Variants in CCNY observed in about 807,000 individuals in gnomAD.
The protein encoded by CCNY is cyclin-Y.
A neutral mutation model predicts 42.8 loss-of-function variants in CCNY; 19 were observed. That is an observed-to-expected ratio of 0.44 (90% CI 0.31 to 0.65). The LOEUF is 0.65. CCNY is among the 30% of genes least tolerant of loss of function. The pLI is 0.07. For missense variants in CCNY, 370 were observed against 437.3 expected (o/e 0.85, Z 1.37); for synonymous variants, 165 against 162.7 (o/e 1.01, Z -0.11).
intron 1 of CCNY, among the ~76,000 whole-genome samples, chr10:35,355,678 CAAAAAAAAAAAA>C (rs60257114): frequency 4.5e-4 from 26 of 57,422 alleles, no homozygotes; most frequent in African/African-American, 1.3e-3. Context: ...ATACTGTCTC[CAAAAAAAAAAAA>C]AAAAAAAAAA....
intron 1 of CCNY, among the ~76,000 whole-genome samples, chr10:35,458,717 T>A (rs1326360611): frequency 6.6e-6 from 1 of 152,196 alleles, no homozygotes; most frequent in African/African-American, 2.4e-5. Flanking sequence ...CATGTGAGGG[T>A]GTGAGCCAAG....
chr10:35,345,020 G>A (rs576631170), intron 1 of CCNY, among the ~76,000 whole-genome samples: 3 of 152,262 alleles, frequency 2.0e-5, no homozygotes, highest in African/African-American at 7.2e-5. Flanking sequence ...ATTGTGAATA[G>A]TGCCGCAATA....
chr10:35,315,721 T>A (rs769204549), intron 3 of CCNY, among the ~76,000 whole-genome samples: 13 of 152,240 alleles, frequency 8.5e-5, no homozygotes, highest in Non-Finnish European at 1.5e-4. Context: ...TAGCAGTGTA[T>A]AAGCATTCCC....
upstream of CCNY, among the ~76,000 whole-genome samples, chr10:35,333,582 A>C (rs192656947): frequency 1.3e-3 from 196 of 152,302 alleles, no homozygotes; most frequent in African/African-American, 4.5e-3. Context: ...TGGAATTAGA[A>C]CCAGGTTCAA....
At chr10:35,348,848 A>G (rs919194342) in intron 1 of CCNY, among the ~76,000 whole-genome samples, 9 of 151,952 alleles carry the variant, frequency 5.9e-5, no homozygotes, top group African/African-American at 2.2e-4. Flanking sequence ...TCATGGAACT[A>G]ATATTCTGAG....
rs775450185 is a variant in CCNY at position 35,253,414 on chromosome 10, A to AATTTTTTTT, written c.-9+2788_-9+2789insATTTTTTTT. ...ACAGGCATGCACCAGCATGCTCACT[A>AATTTTTTTT]TTTTTTTTTTTTTTTTTTTTTTTTT... is the stretch of plus-strand genomic sequence containing the variant. On this transcript the variant is annotated intron_variant, in intron 3 of 11. Transcript: ENST00000374706. 2.2e-5 allele frequency among the ~76,000 whole-genome samples: 2 copies of AATTTTTTTT among 89,036 alleles called. 1 individual carries two copies. The highest frequency in any genetic ancestry group is 9.5e-5 in the African/African-American group (2 of 21,142). 58.4% of individuals were successfully genotyped at this position (89,036 alleles called of 152,430 possible). A position where few individuals can be genotyped will look rare whatever the true frequency, so the allele number is the denominator to read the frequency against.
At chr10:35,271,976 C>T (rs1233659601) in intron 3 of CCNY, among the ~76,000 whole-genome samples, 1 of 152,132 alleles carries the variant, frequency 6.6e-6, no homozygotes, top group Admixed American at 6.6e-5. Flanking sequence ...AAATGTATGA[C>T]ACTGTCACAA....
intron 1 of CCNY, among the ~76,000 whole-genome samples, chr10:35,456,100 T>G (rs921047260): frequency 6.6e-6 from 1 of 152,146 alleles, no homozygotes; most frequent in Non-Finnish European, 1.5e-5. Context: ...ATGGCTCAGG[T>G]TTTGCAGGAG....
chr10:35,327,331 G>A (rs1258208566), intron 3 of CCNY, among the ~76,000 whole-genome samples: 1 of 152,042 alleles, frequency 6.6e-6, no homozygotes, highest in Non-Finnish European at 1.5e-5. Context: ...AAATACAGAT[G>A]TACATCCTTA....
At chr10:35,445,363 G>T (rs1404738714) in intron 1 of CCNY, among the ~76,000 whole-genome samples, 1 of 152,176 alleles carries the variant, frequency 6.6e-6, no homozygotes, top group Non-Finnish European at 1.5e-5. Context: ...GGGATCCTCA[G>T]AATCTTCTCA....
At chr10:35,453,957 ATTT>A (rs750893078) in intron 1 of CCNY, among the ~76,000 whole-genome samples, 32 of 152,248 alleles carry the variant, frequency 2.1e-4, no homozygotes, top group Non-Finnish European at 1.2e-4. Flanking sequence ...GTTTCATTCC[ATTT>A]TTTAAAAAAG....
At chr10:35,314,022 G>C (rs1169029792) in intron 3 of CCNY, among the ~76,000 whole-genome samples, 1 of 136,758 alleles carries the variant, frequency 7.3e-6, no homozygotes, top group African/African-American at 2.7e-5. Context: ...GTTATTTTTT[G>C]TGGGGCTGGA....
chr10:35,274,590 A>G (rs565258637), intron 3 of CCNY, among the ~76,000 whole-genome samples: 3 of 152,250 alleles, frequency 2.0e-5, no homozygotes, highest in Admixed American at 6.5e-5. Context: ...CGCAGGTCCA[A>G]TTAGCACTAG....
At chr10:35,314,919 C>CA (rs1444566049) in intron 3 of CCNY, 3 of 151,942 alleles carry the variant, frequency 2.0e-5, no homozygotes, top group African/African-American at 4.8e-5. Context: ...CCCGTCTCTA[C>CA]AAAAAATACA....
At chr10:35,490,997 G>A (rs1002784545) in intron 2 of CCNY, among the ~76,000 whole-genome samples, 1 of 152,260 alleles carries the variant, frequency 6.6e-6, no homozygotes, top group East Asian at 1.9e-4. Context: ...TAAAAGAATT[G>A]CAAAAACTAC....
At chr10:35,254,433 T>C (rs933229797) in intron 3 of CCNY, among the ~76,000 whole-genome samples, 2 of 152,200 alleles carry the variant, frequency 1.3e-5, no homozygotes, top group Non-Finnish European at 2.9e-5. Flanking sequence ...ACCGGTTGCT[T>C]TCCTGTGAGT....
At chr10:35,312,188 T>C (rs1835693495) in intron 3 of CCNY, among the ~76,000 whole-genome samples, 1 of 151,804 alleles carries the variant, frequency 6.6e-6, no homozygotes, top group Non-Finnish European at 1.5e-5. Flanking sequence ...CCGTCCTAGC[T>C]AACACGGTGA....
intron 9 of CCNY, among the ~76,000 whole-genome samples, chr10:35,567,084 C>A (rs1184578975): frequency 6.6e-6 from 1 of 152,214 alleles, no homozygotes; most frequent in Non-Finnish European, 1.5e-5. Context: ...CCCCAAAAAG[C>A]ATTTCCCGCA....
At chr10:35,523,336 G>T (rs1434398145) in intron 4 of CCNY, among the ~76,000 whole-genome samples, 1 of 152,204 alleles carries the variant, frequency 6.6e-6, no homozygotes, top group Non-Finnish European at 1.5e-5. Context: ...GCGCAGTGGG[G>T]CAGAGATGCG....
Sources: gnomAD v4.1 joint callset for allele counts (sites outside exome capture counted in the v4.1 genomes callset) on GRCh38, gnomAD v4.1.1 for gene constraint, MANE v1.5 for transcripts, NCBI Gene and HGNC (gene_info 2026-07-23, HGNC 2026-07-21) for gene names.